Variants in USP54 observed in about 807,000 individuals in gnomAD.
The protein encoded by USP54 is ubiquitin specific peptidase 54.
USP54 carries 87 observed loss-of-function variants against 170.5 expected under a neutral mutation model. The ratio of observed to expected loss-of-function variants is 0.51; its 90% CI spans 0.43 to 0.61. USP54 has a LOEUF of 0.61. Among genes scored for constraint, USP54 ranks in the 20% least tolerant of loss-of-function variants. USP54 has a pLI of 0.00. For synonymous variants in USP54, 655 were observed against 742.8 expected, an observed-to-expected ratio of 0.88 and a Z score of 1.92; for missense variants, 1,786 against 2,047.8, an observed-to-expected ratio of 0.87 and a Z score of 2.47.
At chr10:73,505,079 T>C in intron 21 of USP54, 89 bp from the exon 22 acceptor site, 1 of 1,573,084 alleles carries the variant, frequency 6.4e-7, no homozygotes, top group African/African-American at 1.3e-5. Flanking sequence ...TGGGAAAGAG[T>C]AGGGGAAGAC....
At chr10:73,555,104 A>G (rs970543277) in intron 4 of USP54, among the ~76,000 whole-genome samples, 8 of 152,240 alleles carry the variant, frequency 5.3e-5, no homozygotes, top group African/African-American at 1.4e-4. Context: ...CCCTGTCTCA[A>G]TAAATAACTA....
intron 1 of USP54, among the ~76,000 whole-genome samples, chr10:73,580,895 C>A (rs1589283755): frequency 2.0e-5 from 3 of 152,204 alleles, no homozygotes; most frequent in Admixed American, 2.0e-4. Flanking sequence ...ATATTTAGTA[C>A]AGTAACATCC....
intron 23 of USP54, chr10:73,499,493 T>C (rs567845764): frequency 6.9e-4 from 188 of 271,054 alleles, no homozygotes; most frequent in Middle Eastern, 2.4e-3. Context: ...GGCTCCCTAA[T>C]ATATAGCAAT....
intron 20 of USP54, chr10:73,507,243 G>C (rs1223682487): frequency 6.6e-6 from 1 of 151,664 alleles, no homozygotes; most frequent in African/African-American, 2.4e-5. Flanking sequence ...GGCTGTGAGA[G>C]AAGAGACAGG....
Position 73,611,469 on chromosome 10 carries a change from T to A in USP54, c.-18+14098A>T, listed in dbSNP as rs554731156. 2.0e-5 allele frequency: 3 copies of A among 151,832 alleles called. No homozygotes were observed. The East Asian group carries it at 5.8e-4, about 29-fold the overall frequency. The allele number at this position is 151,832 out of a possible 1,614,324, so 9.4% of individuals were successfully genotyped here. On this transcript the variant is annotated intron_variant, in intron 1 of 22. Transcript: ENST00000339859. ...TTCCAGGCCAGCCTGGGCAACATAGTGAGAACCCAGATCTAGAAAAAATAA... is the reference window on the plus strand; with the variant it reads ...TTCCAGGCCAGCCTGGGCAACATAGAGAGAACCCAGATCTAGAAAAAATAA...
chr10:73,596,277 G>A (rs1259255020), upstream of USP54, among the ~76,000 whole-genome samples: 1 of 151,738 alleles, frequency 6.6e-6, no homozygotes, highest in Non-Finnish European at 1.5e-5. Context: ...CAAAAATTAG[G>A]CTGGGCACGG....
intron 4 of USP54, among the ~76,000 whole-genome samples, chr10:73,569,238 A>G (rs2074505498): frequency 6.6e-6 from 1 of 152,042 alleles, no homozygotes; most frequent in Non-Finnish European, 1.5e-5. Context: ...TCTCCCTAGC[A>G]TGGCTCTAAT....
chr10:73,538,163 C>A (rs2065699221), intron 10 of USP54: 1 of 151,992 alleles, frequency 6.6e-6, no homozygotes, highest in South Asian at 2.1e-4. Context: ...TGAGATCGCG[C>A]CCCTACACCC....
In USP54 at chr10:73,516,864, A is replaced by G. The variant is rs749492349; in HGVS notation, c.3562T>C (p.Ser1188Pro). Residue 1188 changes from serine (S) to proline (P), a missense_variant, in exon 20 of 24, where the codon TCC (serine) becomes CCC (proline). Ser to Pro is a moderately conservative substitution (Grantham distance 74). Coordinates refer to ENST00000687698, the MANE Select transcript of USP54 (RefSeq NM_001391956.1). Reference protein sequence around the residue: ...KGHWPWAKQQSSLEGGDRPLS... With the variant: ...KGHWPWAKQQPSLEGGDRPLS... Reference sequence around the variant, plus strand: ...GGTCTATCCCCACCCTCCAGAGAGGATTGTTGCTTTGCCCATGGCCAGTGG... The same window carrying G: ...GGTCTATCCCCACCCTCCAGAGAGGGTTGTTGCTTTGCCCATGGCCAGTGG... 1.2e-6 allele frequency: 2 copies of G among 1,614,202 alleles called. No individual in the cohort carries two copies. The highest frequency in any genetic ancestry group is 2.2e-5 in the South Asian group (2 of 91,078).
chr10:73,555,241 C>T (rs996621946), intron 4 of USP54, among the ~76,000 whole-genome samples: 2 of 152,232 alleles, frequency 1.3e-5, no homozygotes, highest in African/African-American at 4.8e-5. Flanking sequence ...TGGCTAGTTT[C>T]TCCCTTGAGA....
intron 1 of USP54, among the ~76,000 whole-genome samples, chr10:73,590,304 A>G (rs1185446102): frequency 6.6e-6 from 1 of 152,170 alleles, no homozygotes; most frequent in Non-Finnish European, 1.5e-5. Flanking sequence ...TCAAGAAATC[A>G]TTACTGTACG....
intron 7 of USP54, among the ~76,000 whole-genome samples, chr10:73,542,571 A>G (rs2066852396): frequency 6.6e-6 from 1 of 152,128 alleles, no homozygotes; most frequent in Admixed American, 6.5e-5. Flanking sequence ...AAAAACACAA[A>G]AAAATTAGCG....
At chr10:73,605,403 T>G (rs1196321322) in intron 1 of USP54, among the ~76,000 whole-genome samples, 1 of 152,028 alleles carries the variant, frequency 6.6e-6, no homozygotes, top group Non-Finnish European at 1.5e-5. Flanking sequence ...GGTGTGTGCC[T>G]GTAGTCTCAG....
At chr10:73,571,300 A>G (rs905876634) in intron 4 of USP54, 121 bp downstream of exon 4, 1 of 814,660 alleles carries the variant, frequency 1.2e-6, no homozygotes, top group East Asian at 2.5e-5. Context: ...TTTTGCACTA[A>G]ACCACAGGTA....
At chr10:73,546,550 G>C (rs1357230894) in intron 4 of USP54, 1 of 152,150 alleles carries the variant, frequency 6.6e-6, no homozygotes, top group Non-Finnish European at 1.5e-5. Flanking sequence ...GTCCAGGCTG[G>C]TCTCAAACTC....
intron 21 of USP54, 39 bp from the exon 22 acceptor site, chr10:73,505,029 C>A: frequency 6.2e-7 from 1 of 1,612,330 alleles, no homozygotes; most frequent in Admixed American, 1.7e-5. Context: ...ACACATAATA[C>A]CAGACTTATG....
At chr10:73,505,484 C>T in intron 20 of USP54, 58 bp from the exon 21 acceptor site, 9 of 1,396,308 alleles carry the variant, frequency 6.4e-6, no homozygotes, top group Non-Finnish European at 9.0e-6. Context: ...GGCCTAACCT[C>T]TAAGCCTAGC....
chr10:73,612,839 CAAAAAAAAAAAAAAA>C (rs756355670), intron 1 of USP54, among the ~76,000 whole-genome samples: 7 of 42,132 alleles, frequency 1.7e-4, no homozygotes, highest in Non-Finnish European at 3.5e-4. Flanking sequence ...GACATTGTCT[CAAAAAAAAAAAAAAA>C]AAAAAAAAAG....
intron 10 of USP54, among the ~76,000 whole-genome samples, chr10:73,536,731 A>G (rs2065283010): frequency 1.3e-5 from 2 of 152,228 alleles, no homozygotes; most frequent in Admixed American, 1.3e-4. Context: ...AAAAGTCCTC[A>G]AAGGTGGATA....
Sources: allele counts gnomAD v4.1 joint callset (sites outside exome capture counted in the v4.1 genomes callset), GRCh38; gene constraint gnomAD v4.1.1; transcripts MANE v1.5; gene names NCBI Gene and HGNC (gene_info 2026-07-23, HGNC 2026-07-21).